Variants in ZMAT4 observed in about 807,000 individuals in gnomAD.
ZMAT4 encodes the protein zinc finger matrin-type 4.
In ZMAT4, 17 loss-of-function variants were observed where a neutral mutation model predicts 28.7. The ratio of observed to expected loss-of-function variants is 0.59; its 90% confidence interval spans 0.41 to 0.89. ZMAT4 has a LOEUF of 0.89. Ranked by LOEUF, ZMAT4 falls within the 40% of genes least tolerant of loss-of-function variation. The pLI is 0.00. For synonymous variants in ZMAT4, 117 were observed against 109.2 expected (o/e 1.07, Z -0.44); for missense variants, 240 against 283.8 (o/e 0.85, Z 1.11).
chr8:40,701,443 C>T (rs185215794), intron 3 of ZMAT4, among the ~76,000 whole-genome samples: 31 of 150,532 alleles, frequency 2.1e-4, no homozygotes, highest in African/African-American at 7.1e-4. Flanking sequence ...TCACATAGTG[C>T]AATTCTAACT....
intron 2 of ZMAT4, among the ~76,000 whole-genome samples, chr8:40,800,232 C>T (rs567645929): frequency 6.6e-6 from 1 of 152,140 alleles, no homozygotes; most frequent in Non-Finnish European, 1.5e-5. Context: ...AACAAGGCGT[C>T]AAAACACATG....
intron 6 of ZMAT4, among the ~76,000 whole-genome samples, chr8:40,573,195 A>C (rs1220938019): frequency 6.6e-6 from 1 of 152,194 alleles, no homozygotes; most frequent in Non-Finnish European, 1.5e-5. Flanking sequence ...GCAGTGGCTT[A>C]GTAAAATGTG....
At position 40,665,163 on chromosome 8, in the gene ZMAT4, G is replaced by A. The variant is rs1047980997; in HGVS notation, c.577+9541C>T. Among the ~76,000 whole-genome samples the A allele has an allele frequency of 3.9e-5, 6 of 152,106 alleles. No homozygotes were observed. The South Asian group carries it at 6.2e-4, about 16-fold the overall frequency. The stretch of plus-strand genomic sequence containing the variant: ...GGAGGTTGCAGTGAGCTGAGATTGC[G>A]CCACTGCACTCCAGGCTGGGTGACA... On this transcript the variant is annotated intron_variant, in intron 5 of 6. Transcript: ENST00000297737.
intron 5 of ZMAT4, among the ~76,000 whole-genome samples, chr8:40,605,849 G>A: frequency 6.6e-6 from 1 of 152,120 alleles, no homozygotes; most frequent in Non-Finnish European, 1.5e-5. Context: ...GAGCTCCAGT[G>A]TTAGGTGCAT....
intron 1 of ZMAT4, among the ~76,000 whole-genome samples, chr8:40,850,907 C>T (rs750363209): frequency 9.9e-5 from 15 of 152,066 alleles, no homozygotes; most frequent in Non-Finnish European, 2.1e-4. Context: ...TGTCTATGTG[C>T]GGCATATCTA....
At chr8:40,787,369 C>T (rs1378273690) in intron 2 of ZMAT4, among the ~76,000 whole-genome samples, 2 of 152,206 alleles carry the variant, frequency 1.3e-5, no homozygotes, top group African/African-American at 4.8e-5. Context: ...AATTTAATGC[C>T]TTTCCATCTT....
At chr8:40,606,811 G>A (rs1400744269) in intron 5 of ZMAT4, among the ~76,000 whole-genome samples, 1 of 152,170 alleles carries the variant, frequency 6.6e-6, no homozygotes, top group South Asian at 2.1e-4. Flanking sequence ...CAAACTTTTA[G>A]ATTTCTCTTC....
chr8:40,765,753 G>C (rs1813133713), intron 3 of ZMAT4, among the ~76,000 whole-genome samples: 1 of 152,164 alleles, frequency 6.6e-6, no homozygotes, highest in South Asian at 2.1e-4. Context: ...TACAACACTA[G>C]CTTGAGTGCA....
At chr8:40,734,523 G>A (rs561342575) in intron 3 of ZMAT4, among the ~76,000 whole-genome samples, 1 of 152,294 alleles carries the variant, frequency 6.6e-6, no homozygotes, top group African/African-American at 2.4e-5. Context: ...TTCTGGAGAT[G>A]GAAAAGTACA....
intron 1 of ZMAT4, among the ~76,000 whole-genome samples, chr8:40,888,909 T>C (rs1002707793): frequency 1.3e-5 from 2 of 152,164 alleles, no homozygotes; most frequent in Non-Finnish European, 2.9e-5. Context: ...GAAGGAAGGG[T>C]GGCTTCACAC....
At chr8:40,576,782 C>T (rs59149706) in intron 6 of ZMAT4, among the ~76,000 whole-genome samples, 15,597 of 152,132 alleles carry the variant, frequency 0.1, 1,396 homozygotes, top group East Asian at 0.53. Context: ...CTTATCACTA[C>T]GAAAAACCAC....
chr8:40,746,821 C>T (rs1056244522), intron 3 of ZMAT4, among the ~76,000 whole-genome samples: 1 of 152,210 alleles, frequency 6.6e-6, no homozygotes. Context: ...ACTAGCCTCA[C>T]TTGCCTTCTT....
At chr8:40,646,342 T>G (rs1807314070) in intron 5 of ZMAT4, among the ~76,000 whole-genome samples, 1 of 151,986 alleles carries the variant, frequency 6.6e-6, no homozygotes, top group Non-Finnish European at 1.5e-5. Context: ...GCTATATTTC[T>G]TTGTATTTCA....
intron 4 of ZMAT4, among the ~76,000 whole-genome samples, chr8:40,691,673 C>A (rs1220456697): frequency 1.3e-5 from 2 of 152,138 alleles, no homozygotes; most frequent in African/African-American, 2.4e-5. Context: ...TATTTACATA[C>A]AATAATATAT....
intron 5 of ZMAT4, among the ~76,000 whole-genome samples, chr8:40,582,989 C>CCCGT (rs1477892624): frequency 6.6e-6 from 1 of 152,116 alleles, no homozygotes; most frequent in Admixed American, 6.5e-5. Flanking sequence ...TGGTCACGAA[C>CCCGT]CCGTGCTGAC....
In ZMAT4 at chr8:40,752,482, G is replaced by GAACCTGGAAT. The variant is rs1254266012; in HGVS notation, c.192+15149_192+15158dup. On this transcript the variant is annotated intron_variant, in intron 3 of 6. Transcript: ENST00000297737. ...CAACTTCACTCCTGCTCCACGTGAAGAACCTGGAATAACCTGGAGAAAGGG... is the reference window on the plus strand; with the variant it reads ...CAACTTCACTCCTGCTCCACGTGAAGAACCTGGAATAACCTGGAATAACCTGGAGAAAGGG... Among the ~76,000 whole-genome samples the GAACCTGGAAT allele has an allele frequency of 4.6e-5, 7 of 152,170 alleles. 1 individual carries two copies. The highest frequency in any genetic ancestry group is 1.0e-4 in the Non-Finnish European group (7 of 68,044).
chr8:40,824,449 A>C (rs1223585470), intron 2 of ZMAT4, among the ~76,000 whole-genome samples: 1 of 152,206 alleles, frequency 6.6e-6, no homozygotes, highest in East Asian at 1.9e-4. Flanking sequence ...TGTCTCAAAA[A>C]GAAAGAAGAA....
chr8:40,872,175 G>A lies in ZMAT4; in HGVS notation c.-5+25508C>T, dbSNP rs61066474. The stretch of plus-strand genomic sequence containing the variant: ...CTTCTCCACTCCCATCACATCCACC[G>A]TATTCACAAGTGTACATAGTCACAC... On this transcript the variant is annotated intron_variant, in intron 1 of 6. Transcript: ENST00000297737. Among the ~76,000 whole-genome samples the A allele has an allele frequency of 8.8e-3, 1,342 of 152,226 alleles. 27 individuals carry two copies. The highest frequency in any genetic ancestry group is 0.031 in the African/African-American group (1,268 of 41,512).
intron 2 of ZMAT4, among the ~76,000 whole-genome samples, chr8:40,808,299 A>G (rs1272528366): frequency 6.6e-6 from 1 of 152,102 alleles, no homozygotes; most frequent in East Asian, 1.9e-4. Flanking sequence ...CTATGAGAAC[A>G]CCTGAAACAA....
Sources: allele counts gnomAD v4.1 joint callset (sites outside exome capture counted in the v4.1 genomes callset), GRCh38; gene constraint gnomAD v4.1.1; transcripts MANE v1.5; gene names NCBI Gene and HGNC (gene_info 2026-07-23, HGNC 2026-07-21).